ABL2: variants seen among roughly 807,000 people sequenced by gnomAD.
The protein encoded by ABL2 is tyrosine-protein kinase ABL2.
In ABL2, 49 loss-of-function variants were observed where a neutral mutation model predicts 107.7. That is an observed-to-expected ratio of 0.45 (90% CI 0.36 to 0.58). The LOEUF (loss-of-function observed/expected upper bound fraction) is 0.58, where lower values mean the gene tolerates loss of function less well. Among genes scored for constraint, ABL2 ranks in the 20% least tolerant of loss-of-function variants. The pLI is 0.00. For synonymous variants in ABL2, 549 were observed against 548.6 expected (o/e 1.00, Z -0.01); for missense variants, 1,245 against 1,457.0 (o/e 0.85, Z 2.37).
At chr1:179,151,690 A>G (rs918203082) in intron 1 of ABL2, among the ~76,000 whole-genome samples, 10 of 152,146 alleles carry the variant, frequency 6.6e-5, no homozygotes, top group Non-Finnish European at 2.9e-5. Flanking sequence ...TTTTTTCATA[A>G]CCATTACTCT....
chr1:179,224,931 C>T (rs965049679), intron 1 of ABL2, among the ~76,000 whole-genome samples: 1 of 151,888 alleles, frequency 6.6e-6, no homozygotes, highest in Admixed American at 6.6e-5. Flanking sequence ...GAGGCTGAGG[C>T]AGGAGGATTG....
intron 1 of ABL2, among the ~76,000 whole-genome samples, chr1:179,176,560 G>T (rs940166620): frequency 6.6e-6 from 1 of 152,078 alleles, no homozygotes; most frequent in Non-Finnish European, 1.5e-5. Context: ...ATAAAAGGCT[G>T]TTATAAAGTT....
chr1:179,229,533 C>CGGAGCCGCCGGT lies in ABL2; in HGVS notation c.-137_-136insACCGGCGGCTCC. ...TGGCCCTGAGTGGCTGGGCCACCGG[C>CGGAGCCGCCGGT]GGCTCCGCACCCGGCCTCCTCACGG... On this transcript the variant is annotated 5_prime_UTR_variant, in exon 1 of 12. Coordinates refer to ENST00000502732, the MANE Select transcript of ABL2 (RefSeq NM_007314.4). The CGGAGCCGCCGGT allele has an allele frequency of 1.1e-6, 1 of 912,570 alleles. No homozygotes were observed. The highest frequency in any genetic ancestry group is 1.5e-6 in the Non-Finnish European group (1 of 666,642). 56.5% of individuals were successfully genotyped at this position (912,570 alleles called of 1,614,324 possible).
chr1:179,184,423 A>C, intron 1 of ABL2: 1 of 984,660 alleles, frequency 1.0e-6, no homozygotes, highest in Non-Finnish European at 1.5e-6. Context: ...AGGCAGCATG[A>C]GGCACCAGAG....
chr1:179,099,475 G>T lies in ABL2; in HGVS notation c.*8243C>A. 1 of 221,292 alleles carries T rather than the reference G, an allele frequency of 4.5e-6. No homozygotes were observed. The allele number at this position is 221,292 out of a possible 1,614,324, so 13.7% of individuals were successfully genotyped here. A position where few individuals can be genotyped will look rare whatever the true frequency, so the allele number is the denominator to read the frequency against. The stretch of plus-strand genomic sequence containing the variant: ...GTTAGCAGTTCACAGTCAGACAACA[G>T]ACGGAGAGAATTAAATTAGAAAAAC... On this transcript the variant is annotated 3_prime_UTR_variant, in exon 12 of 12. Coordinates refer to ENST00000502732, the MANE Select transcript of ABL2 (RefSeq NM_007314.4).
chr1:179,110,981 T>TC, intron 10 of ABL2: 3 of 19,246 alleles, frequency 1.6e-4, no homozygotes, highest in Non-Finnish European at 2.5e-4. Flanking sequence ...TATTTTTGGC[T>TC]TTTTTTTTTT....
rs1663430385 is a variant in ABL2, at chr1:179,229,458, G to C, written c.-61C>G. On this transcript the variant is annotated 5_prime_UTR_variant, in exon 1 of 12. Transcript: ENST00000502732. ...CCTGGTCACATTCCTCCTCGGCTCC[G>C]GCCTCGGGCTCCTGGCGCTGCTCCG... The C allele has an allele frequency of 7.1e-7, 1 of 1,416,500 alleles. No homozygotes were observed. The highest frequency in any genetic ancestry group is 2.9e-5 in the East Asian group (1 of 34,778). The allele number at this position is 1,416,500 out of a possible 1,614,324, so 87.7% of individuals were successfully genotyped here.
rs770158560 is a variant in ABL2, at chr1:179,121,575, T to A, written c.960+20A>T. On this transcript the variant is annotated intron_variant, in intron 5 of 11. Coordinates refer to ENST00000502732, the MANE Select transcript of ABL2 (RefSeq NM_007314.4). ...ACAAAAGAAAAAGATGCCTGAAAACTGTAATTCTCAGCAACCCACCTTCAA... is the reference window on the plus strand; with the variant it reads ...ACAAAAGAAAAAGATGCCTGAAAACAGTAATTCTCAGCAACCCACCTTCAA... The A allele has an allele frequency of 8.7e-6, 14 of 1,604,850 alleles. No homozygotes were observed. Among genetic ancestry groups the A allele is most frequent in the Non-Finnish European group, 1.2e-5 (14 of 1,173,466 alleles).
intron 1 of ABL2, among the ~76,000 whole-genome samples, chr1:179,214,758 A>G (rs1662471001): frequency 1.3e-5 from 2 of 152,094 alleles, no homozygotes; most frequent in Non-Finnish European, 2.9e-5. Flanking sequence ...TCAATAAGAA[A>G]GTGGTTAAAT....
chr1:179,131,241 G>A (rs1656291359), intron 3 of ABL2, 70 bp downstream of exon 3: 5 of 1,527,100 alleles, frequency 3.3e-6, no homozygotes, highest in South Asian at 1.2e-5. Flanking sequence ...ACTGTGCCTG[G>A]CCAGGCCCCT....
At chr1:179,153,818 A>G (rs1398112253) in intron 1 of ABL2, among the ~76,000 whole-genome samples, 1 of 152,182 alleles carries the variant, frequency 6.6e-6, no homozygotes, top group Non-Finnish European at 1.5e-5. Context: ...CCTGATTAAC[A>G]GATTGCCTGA....
intron 1 of ABL2, among the ~76,000 whole-genome samples, chr1:179,142,064 G>A (rs1657641000): frequency 6.6e-6 from 1 of 152,160 alleles, no homozygotes; most frequent in Non-Finnish European, 1.5e-5. Flanking sequence ...TACTGTATAC[G>A]CCCAAATGCA....
intron 1 of ABL2, among the ~76,000 whole-genome samples, chr1:179,156,511 C>T (rs1328373021): frequency 6.6e-6 from 1 of 152,174 alleles, no homozygotes; most frequent in East Asian, 1.9e-4. Context: ...CATTTTTCTC[C>T]AGCTTCAAAC....
At chr1:179,210,185 C>CT (rs1558001090) in intron 1 of ABL2, among the ~76,000 whole-genome samples, 1 of 152,068 alleles carries the variant, frequency 6.6e-6, no homozygotes, top group Admixed American at 6.6e-5. Flanking sequence ...AAAGCAAATA[C>CT]TTTAAATGAG....
At chr1:179,132,208 G>C (rs966029105) in intron 2 of ABL2, among the ~76,000 whole-genome samples, 14 of 152,152 alleles carry the variant, frequency 9.2e-5, no homozygotes, top group Non-Finnish European at 2.1e-4. Flanking sequence ...TAATTGAAGA[G>C]CCTAGAAAAC....
Position 179,117,198 on chromosome 1 carries a change from C to T in ABL2, c.1408+134G>A, listed in dbSNP as rs775810710. The T allele has an allele frequency of 7.5e-5, 70 of 934,022 alleles. No individual in the cohort carries two copies. The Middle Eastern group carries it at 1.3e-3, about 18-fold the overall frequency. The allele number at this position is 934,022 out of a possible 1,614,324, so 57.9% of individuals were successfully genotyped here. A position where few individuals can be genotyped will look rare whatever the true frequency, so the allele number is the denominator to read the frequency against. On this transcript the variant is annotated intron_variant, in intron 8 of 11. Transcript: ENST00000502732. ...GCAGATAGGAGGTATTTAACAAATG[C>T]TTGCTGAATAACTGAAGAAGAATGG... is the stretch of plus-strand genomic sequence containing the variant.
intron 10 of ABL2, among the ~76,000 whole-genome samples, chr1:179,111,949 G>A (rs1654119840): frequency 6.6e-6 from 1 of 152,012 alleles, no homozygotes; most frequent in African/African-American, 2.4e-5. Flanking sequence ...GGAGGCTGAG[G>A]CACAAGAATT....
chr1:179,145,016 A>G (rs1382783266), intron 1 of ABL2, among the ~76,000 whole-genome samples: 1 of 152,200 alleles, frequency 6.6e-6, no homozygotes, highest in Non-Finnish European at 1.5e-5. Context: ...AATAAAGAGG[A>G]GATAAATGGA....
At chr1:179,127,783 GC>G (rs1398208587) in intron 3 of ABL2, among the ~76,000 whole-genome samples, 1 of 151,992 alleles carries the variant, frequency 6.6e-6, no homozygotes, top group East Asian at 1.9e-4. Flanking sequence ...TGTAATCCCA[GC>G]ACTTTGGGAG....
Sources: allele counts gnomAD v4.1 joint callset (sites outside exome capture counted in the v4.1 genomes callset), GRCh38; gene constraint gnomAD v4.1.1; transcripts MANE v1.5; gene names NCBI Gene and HGNC (gene_info 2026-07-23, HGNC 2026-07-21).